CEP192: variants seen among roughly 807,000 people sequenced by gnomAD.
CEP192 encodes centrosomal protein of 192 kDa.
In CEP192, 151 loss-of-function variants were observed where a neutral mutation model predicts 271.8. The observed-to-expected ratio is 0.56, with a 90% CI of 0.49 to 0.64. CEP192 has a LOEUF of 0.64. Among genes scored for constraint, CEP192 ranks in the 30% least tolerant of loss-of-function variants. The probability of loss-of-function intolerance (pLI) is 0.00; values close to 1 mark genes in which losing one functional copy is unlikely to be tolerated. For missense variants in CEP192, 2,910 were observed against 3,020.5 expected (o/e 0.96, Z 0.86); for synonymous variants, 995 against 1,076.5 (o/e 0.92, Z 1.48).
At chr18:13,051,223 T>C (rs2036768454) in intron 17 of CEP192, among the ~76,000 whole-genome samples, 1 of 152,244 alleles carries the variant, frequency 6.6e-6, no homozygotes, top group Admixed American at 6.5e-5. Flanking sequence ...TTTGCCTGTG[T>C]TCTTGCAGTT....
intron 9 of CEP192, among the ~76,000 whole-genome samples, chr18:13,023,929 TTC>T (rs2035137496): frequency 6.6e-6 from 1 of 152,228 alleles, no homozygotes; most frequent in Non-Finnish European, 1.5e-5. Context: ...TTGTATCTAT[TTC>T]GTGAGTTTTT....
intron 13 of CEP192, 107 bp from the exon 14 acceptor site, chr18:13,040,723 G>A: frequency 1.2e-6 from 1 of 852,994 alleles, no homozygotes; most frequent in Non-Finnish European, 1.7e-6. Flanking sequence ...GGGAAGAACA[G>A]TTTTTTGATG....
At chr18:13,057,120 G>A (rs1398295009) in intron 19 of CEP192, among the ~76,000 whole-genome samples, 1 of 152,160 alleles carries the variant, frequency 6.6e-6, no homozygotes, top group Non-Finnish European at 1.5e-5. Flanking sequence ...CTGACATGGT[G>A]CACACGGCCA....
At chr18:13,122,051 G>A (rs1164640833) in intron 44 of CEP192, among the ~76,000 whole-genome samples, 1 of 152,238 alleles carries the variant, frequency 6.6e-6, no homozygotes, top group Admixed American at 6.5e-5. Flanking sequence ...CATTTTGGGA[G>A]GCCAAGACGG....
chr18:13,098,786 G>C (rs1172003548), intron 36 of CEP192, among the ~76,000 whole-genome samples: 1 of 152,194 alleles, frequency 6.6e-6, no homozygotes, highest in Non-Finnish European at 1.5e-5. Flanking sequence ...GTGGCGGCCG[G>C]GCAGAGGCTG....
At chr18:13,109,497 G>A (rs1040388472) in intron 40 of CEP192, among the ~76,000 whole-genome samples, 1 of 152,028 alleles carries the variant, frequency 6.6e-6, no homozygotes, top group Non-Finnish European at 1.5e-5. Context: ...GTATACCCAG[G>A]TAACAAACCT....
chr18:13,084,976 C>T (rs1489713298), intron 30 of CEP192, among the ~76,000 whole-genome samples: 1 of 151,246 alleles, frequency 6.6e-6, no homozygotes, highest in African/African-American at 2.4e-5. Flanking sequence ...CCACCACACC[C>T]AGCTAATTTT....
intron 7 of CEP192, 79 bp from the exon 8 acceptor site, chr18:13,018,401 C>A: frequency 1.2e-6 from 1 of 869,132 alleles, no homozygotes; most frequent in Non-Finnish European, 1.7e-6. Flanking sequence ...TGGCATCCTT[C>A]AGTAAAGCCA....
intron 6 of CEP192, among the ~76,000 whole-genome samples, chr18:13,015,682 A>G (rs1450981812): frequency 6.6e-6 from 1 of 152,188 alleles, no homozygotes; most frequent in African/African-American, 2.4e-5. Flanking sequence ...TTAGGGTACA[A>G]AGTAGTCACC....
intron 36 of CEP192, 130 bp from the exon 37 acceptor site, chr18:13,099,344 TGA>T (rs2039596398): frequency 1.8e-6 from 1 of 563,106 alleles, no homozygotes. Context: ...CGCATGGGAG[TGA>T]GCTCTGTTCT....
Position 13,037,226 on chromosome 18 carries a change from T to C in CEP192, c.1535-11T>C. ...TAGTGTAATGTATTTATATAAACAT[T>C]CTTTTTTAAGCTGAAGCATTTGATT... On this transcript the variant is annotated splice_polypyrimidine_tract_variant and intron_variant, in intron 11 of 44. Coordinates refer to ENST00000506447, the MANE Select transcript of CEP192 (RefSeq NM_032142.4). The C allele has an allele frequency of 8.5e-7, 1 of 1,173,986 alleles. No individual in the cohort carries two copies. Among genetic ancestry groups the C allele is most frequent in the Non-Finnish European group, 1.2e-6 (1 of 807,456 alleles). 72.7% of individuals were successfully genotyped at this position (1,173,986 alleles called of 1,614,324 possible). A position where few individuals can be genotyped will look rare whatever the true frequency, so the allele number is the denominator to read the frequency against.
chr18:13,062,756 G>C (rs1447203731), intron 21 of CEP192, among the ~76,000 whole-genome samples: 1 of 152,010 alleles, frequency 6.6e-6, no homozygotes, highest in African/African-American at 2.4e-5. Context: ...CATACTTTAA[G>C]TTATTTTAAA....
chr18:13,085,353 A>G (rs1418689742), intron 30 of CEP192, among the ~76,000 whole-genome samples: 9 of 150,772 alleles, frequency 6.0e-5, no homozygotes, highest in African/African-American at 9.8e-5. Context: ...TAGGTTACCT[A>G]TTCACTCTGA....
At chr18:12,996,815 C>T (rs141463790) in intron 1 of CEP192, among the ~76,000 whole-genome samples, 101 of 152,242 alleles carry the variant, frequency 6.6e-4, no homozygotes, top group Middle Eastern at 3.4e-3. Context: ...TAGTATGCTA[C>T]GGCTTGGCAA....
At chr18:13,070,004 T>G (rs535942112) in intron 27 of CEP192, 148 bp downstream of exon 27, 407 of 540,760 alleles carry the variant, frequency 7.5e-4, no homozygotes, top group Non-Finnish European at 9.5e-4. Flanking sequence ...CTACTAAAAA[T>G]ACAAAAATTA....
intron 9 of CEP192, among the ~76,000 whole-genome samples, chr18:13,024,800 C>T (rs922333147): frequency 1.1e-4 from 17 of 149,462 alleles, no homozygotes; most frequent in Admixed American, 4.0e-4. Context: ...GACCGAGTCT[C>T]GCTCTGTTGC....
intron 30 of CEP192, among the ~76,000 whole-genome samples, chr18:13,079,136 C>A (rs2038452221): frequency 6.6e-6 from 1 of 152,168 alleles, no homozygotes; most frequent in African/African-American, 2.4e-5. Flanking sequence ...AATTATAATC[C>A]TTTGGGTATA....
At chr18:13,077,982 A>G (rs1278922427) in intron 30 of CEP192, among the ~76,000 whole-genome samples, 1 of 152,102 alleles carries the variant, frequency 6.6e-6, no homozygotes, top group Non-Finnish European at 1.5e-5. Context: ...CGTGTGCAGA[A>G]TGTACAGGTT....
At chr18:13,009,008 CTTTTTGTTTTT>C (rs917186029) in intron 4 of CEP192, among the ~76,000 whole-genome samples, 1 of 113,546 alleles carries the variant, frequency 8.8e-6, no homozygotes, top group Non-Finnish European at 1.7e-5. Flanking sequence ...TGTGCCTGGC[CTTTTTGTTTTT>C]TTTTTTTTTT....
Sources: allele counts gnomAD v4.1 joint callset (sites outside exome capture counted in the v4.1 genomes callset), GRCh38; gene constraint gnomAD v4.1.1; transcripts MANE v1.5; gene names NCBI Gene and HGNC (gene_info 2026-07-23, HGNC 2026-07-21).